Variants in RBFOX1 observed in about 807,000 individuals in gnomAD.
The protein encoded by RBFOX1 is RNA binding fox-1 homolog 1, also known as RNA binding protein fox-1 homolog 1.
RBFOX1 carries 8 observed loss-of-function variants against 57.7 expected under a neutral mutation model. The ratio of observed to expected loss-of-function variants is 0.14; its 90% CI spans 0.08 to 0.25. The LOEUF is 0.25. Ranked by LOEUF, RBFOX1 falls within the 10% of genes least tolerant of loss-of-function variation. The pLI, the probability that RBFOX1 is intolerant of heterozygous loss-of-function variation, is 1.00. For synonymous variants in RBFOX1, 326 were observed against 222.4 expected (o/e 1.47, Z -4.15); for missense variants, 611 against 548.5 (o/e 1.11, Z -1.14).
intron 3 of RBFOX1, among the ~76,000 whole-genome samples, chr16:6,934,541 G>C (rs75279737): frequency 0.1 from 15,501 of 152,032 alleles, 987 homozygotes; most frequent in Middle Eastern, 0.22. Flanking sequence ...GTACTATTTG[G>C]ACATAAAAAG....
rs1242626025 is a variant in RBFOX1, at chr16:6,708,299, C to CAA, written c.-16+53650_-16+53651insAA. On this transcript the variant is annotated intron_variant, in intron 3 of 15. Transcript: ENST00000550418. ...CAAAGCATTTTTGAACACACACACA[C>CAA]ACACACTCACACTCATTCACAAAAA... Among the ~76,000 whole-genome samples the CAA allele has an allele frequency of 1.3e-4, 18 of 143,396 alleles. No individual in the cohort carries two copies. The East Asian group carries it at 3.8e-3, about 30-fold the overall frequency. The allele number at this position is 143,396 out of a possible 152,430, so 94.1% of individuals were successfully genotyped here. A position where few individuals can be genotyped will look rare whatever the true frequency, so the allele number is the denominator to read the frequency against.
chr16:5,631,226 G>C (rs1475877680), intron 3 of RBFOX1, among the ~76,000 whole-genome samples: 1 of 152,198 alleles, frequency 6.6e-6, no homozygotes, highest in African/African-American at 2.4e-5. Context: ...TTACTGGTCA[G>C]GGTCTTAGAG....
intron 1 of RBFOX1, among the ~76,000 whole-genome samples, chr16:5,303,282 C>A (rs1303051912): frequency 3.3e-5 from 5 of 152,168 alleles, no homozygotes; most frequent in East Asian, 1.9e-4. Context: ...TCCCTATTCT[C>A]CCTGGGATTT....
chr16:6,259,438 G>A (rs2097688292), intron 1 of RBFOX1, among the ~76,000 whole-genome samples: 2 of 152,098 alleles, frequency 1.3e-5, no homozygotes, highest in South Asian at 2.1e-4. Flanking sequence ...ATATTTTCAT[G>A]TGTCTCTGTG....
intron 1 of RBFOX1, among the ~76,000 whole-genome samples, chr16:5,372,333 CT>C (rs971580245): frequency 6.6e-6 from 1 of 152,190 alleles, no homozygotes; most frequent in African/African-American, 2.4e-5. Context: ...ATACCCACCT[CT>C]TTCTCCCCCA....
intron 4 of RBFOX1, among the ~76,000 whole-genome samples, chr16:5,990,899 G>A (rs1164967376): frequency 6.6e-6 from 1 of 152,162 alleles, no homozygotes; most frequent in Non-Finnish European, 1.5e-5. Context: ...GCTTGAACCT[G>A]GAAGGCAGAG....
intron 7 of RBFOX1, among the ~76,000 whole-genome samples, chr16:7,588,093 C>T (rs533239248): frequency 1.8e-4 from 28 of 152,148 alleles, no homozygotes; most frequent in Non-Finnish European, 3.7e-4. Context: ...GCAGGAGAAT[C>T]GCTTGCACCC....
At chr16:5,821,414 T>C (rs1261199331) in intron 3 of RBFOX1, among the ~76,000 whole-genome samples, 1 of 151,486 alleles carries the variant, frequency 6.6e-6, no homozygotes, top group Non-Finnish European at 1.5e-5. Flanking sequence ...GCAGTTCTTC[T>C]GCCTCAGCCT....
intron 2 of RBFOX1, among the ~76,000 whole-genome samples, chr16:6,500,684 C>G (rs1471500238): frequency 6.6e-6 from 1 of 152,076 alleles, no homozygotes; most frequent in South Asian, 2.1e-4. Flanking sequence ...AGGCATTGAA[C>G]TCAGGGTCTT....
At chr16:6,401,466 G>A (rs1461417952) in intron 2 of RBFOX1, among the ~76,000 whole-genome samples, 5 of 152,182 alleles carry the variant, frequency 3.3e-5, no homozygotes, top group Non-Finnish European at 7.3e-5. Context: ...ACATTGGACT[G>A]TGATCATTTT....
chr16:7,410,132 C>T (rs1395118129), intron 4 of RBFOX1, among the ~76,000 whole-genome samples: 1 of 152,170 alleles, frequency 6.6e-6, no homozygotes, highest in East Asian at 1.9e-4. Flanking sequence ...CAATTGTTAA[C>T]CTACATAAAT....
chr16:6,238,589 C>T (rs1223522012), intron 1 of RBFOX1, among the ~76,000 whole-genome samples: 1 of 152,140 alleles, frequency 6.6e-6, no homozygotes, highest in Non-Finnish European at 1.5e-5. Flanking sequence ...TCAACCCTGG[C>T]TTCAAATTCG....
At chr16:6,123,250 C>A (rs886658620) in intron 1 of RBFOX1, among the ~76,000 whole-genome samples, 26 of 152,060 alleles carry the variant, frequency 1.7e-4, no homozygotes, top group African/African-American at 6.0e-4. Context: ...TGGAAACAAC[C>A]CAAATGTCCA....
At chr16:6,360,923 C>T (rs1232247687) in intron 2 of RBFOX1, among the ~76,000 whole-genome samples, 1 of 150,744 alleles carries the variant, frequency 6.6e-6, no homozygotes, top group African/African-American at 2.5e-5. Context: ...GTTATCTTTA[C>T]TTCAGGGGTG....
chr16:6,728,028 A>C (rs1257562590), intron 3 of RBFOX1, among the ~76,000 whole-genome samples: 1 of 152,188 alleles, frequency 6.6e-6, no homozygotes, highest in African/African-American at 2.4e-5. Context: ...CCATCCTCAC[A>C]GGTTTGTTTT....
intron 3 of RBFOX1, among the ~76,000 whole-genome samples, chr16:7,003,281 A>C (rs1482952364): frequency 1.3e-5 from 2 of 151,776 alleles, no homozygotes; most frequent in Admixed American, 6.6e-5. Flanking sequence ...CAACATGGTG[A>C]AACCCCCGTC....
chr16:6,651,398 C>T (rs955126362), intron 2 of RBFOX1, among the ~76,000 whole-genome samples: 1 of 152,170 alleles, frequency 6.6e-6, no homozygotes, highest in Admixed American at 6.5e-5. Context: ...CCTTCCCCTG[C>T]TACACCCTTA....
At chr16:6,087,758 T>C (rs568685064) in intron 1 of RBFOX1, among the ~76,000 whole-genome samples, 1 of 152,042 alleles carries the variant, frequency 6.6e-6, no homozygotes, top group Admixed American at 6.6e-5. Flanking sequence ...GTTCAAGCAA[T>C]TCTCCTGCCT....
chr16:6,231,297 C>G (rs2097458366), intron 1 of RBFOX1, among the ~76,000 whole-genome samples: 1 of 151,152 alleles, frequency 6.6e-6, no homozygotes, highest in African/African-American at 2.4e-5. Flanking sequence ...TAGTGTAGGT[C>G]TAAGGGATAT....
Sources: allele counts gnomAD v4.1 joint callset (sites outside exome capture counted in the v4.1 genomes callset), GRCh38; gene constraint gnomAD v4.1.1; transcripts MANE v1.5; gene names NCBI Gene and HGNC (gene_info 2026-07-23, HGNC 2026-07-21).